The following NALF1 variants were observed in gnomAD, a reference collection of about 807,000 sequenced individuals.
NALF1 encodes NALCN channel auxiliary factor 1, also known as family with sequence similarity 155 member A.
Under a neutral mutation model 48.4 loss-of-function variants are expected in NALF1, and 3 were observed. That is an observed-to-expected ratio of 0.06 (90% CI 0.03 to 0.16). The LOEUF is 0.16. Ranked by LOEUF, NALF1 falls within the 10% of genes least tolerant of loss-of-function variation. NALF1 has a pLI of 1.00. For missense variants in NALF1, 526 were observed against 571.5 expected (o/e 0.92, Z 0.81); for synonymous variants, 262 against 245.7 (o/e 1.07, Z -0.62).
chr13:107,305,407 T>C (rs184040574), intron 1 of NALF1, among the ~76,000 whole-genome samples: 1 of 152,358 alleles, frequency 6.6e-6, no homozygotes, highest in African/African-American at 2.4e-5. Context: ...CTAAAACAAA[T>C]GGCATCATTA....
intron 1 of NALF1, among the ~76,000 whole-genome samples, chr13:107,394,654 A>G (rs1181586139): frequency 6.6e-6 from 1 of 152,224 alleles, no homozygotes; most frequent in Non-Finnish European, 1.5e-5. Context: ...TCTTAACATT[A>G]TTGAAATTTG....
At chr13:107,794,988 A>G (rs575237692) in intron 1 of NALF1, among the ~76,000 whole-genome samples, 8 of 152,338 alleles carry the variant, frequency 5.3e-5, no homozygotes, top group African/African-American at 1.9e-4. Flanking sequence ...AATGAGGACA[A>G]AAAGAAAAAA....
At chr13:107,766,514 T>C (rs1384745265) in intron 1 of NALF1, among the ~76,000 whole-genome samples, 1 of 152,180 alleles carries the variant, frequency 6.6e-6, no homozygotes, top group African/African-American at 2.4e-5. Context: ...GGGGAGAACT[T>C]AACTGAAGTC....
intron 1 of NALF1, among the ~76,000 whole-genome samples, chr13:107,527,582 T>C (rs1876488068): frequency 6.6e-6 from 1 of 152,148 alleles, no homozygotes; most frequent in Non-Finnish European, 1.5e-5. Context: ...AAGTCTGATA[T>C]GGTTTGGCTG....
In NALF1 at chr13:107,267,700, T is replaced by C. The variant is rs191722506; in HGVS notation, c.916-56945A>G. Among the ~76,000 whole-genome samples the C allele has an allele frequency of 1.3e-4, 20 of 152,262 alleles. No individual in the cohort carries two copies. The East Asian group carries it at 3.7e-3, about 28-fold the overall frequency. ...AAAGATTAACAACAATAATGAATAATAAAGTAGAACAATTATAACAATATG... is the reference window on the plus strand; with the variant it reads ...AAAGATTAACAACAATAATGAATAACAAAGTAGAACAATTATAACAATATG... On this transcript the variant is annotated intron_variant, in intron 1 of 2. Coordinates refer to ENST00000375915, the MANE Select transcript of NALF1 (RefSeq NM_001080396.3).
chr13:107,170,395 A>T lies in NALF1; in HGVS notation c.*102T>A. 1 of 1,184,866 alleles carries T rather than the reference A, an allele frequency of 8.4e-7. No individual in the cohort carries two copies. The highest frequency in any genetic ancestry group is 1.2e-6 in the Non-Finnish European group (1 of 843,280). The allele number at this position is 1,184,866 out of a possible 1,614,324, so 73.4% of individuals were successfully genotyped here. ...AATTTTACCCTAAAGGCCTTGCAAT[A>T]AGTAATTCGAGGGTAAAAGCACCCA... On this transcript the variant is annotated 3_prime_UTR_variant, in exon 3 of 3. Coordinates refer to ENST00000375915, the MANE Select transcript of NALF1 (RefSeq NM_001080396.3).
intron 1 of NALF1, among the ~76,000 whole-genome samples, chr13:107,831,660 A>G (rs1369447108): frequency 6.6e-6 from 1 of 152,188 alleles, no homozygotes; most frequent in African/African-American, 2.4e-5. Flanking sequence ...GTGATTATAT[A>G]ATGATGAGGT....
At chr13:107,281,454 A>G (rs1386451879) in intron 1 of NALF1, among the ~76,000 whole-genome samples, 1 of 152,208 alleles carries the variant, frequency 6.6e-6, no homozygotes, top group East Asian at 1.9e-4. Flanking sequence ...AAATGAGAAA[A>G]GACATAGAGG....
intron 1 of NALF1, among the ~76,000 whole-genome samples, chr13:107,297,361 A>G (rs1881745986): frequency 6.6e-6 from 1 of 152,202 alleles, no homozygotes; most frequent in African/African-American, 2.4e-5. Flanking sequence ...TACCAGTAAA[A>G]TCATTGAGAT....
chr13:107,251,530 C>A (rs138180691), intron 1 of NALF1, among the ~76,000 whole-genome samples: 2 of 152,224 alleles, frequency 1.3e-5, no homozygotes, highest in Admixed American at 1.3e-4. Flanking sequence ...CCCCTGCCTA[C>A]AGCTACATCC....
intron 1 of NALF1, among the ~76,000 whole-genome samples, chr13:107,607,855 G>GTTT (rs1400612258): frequency 2.5e-4 from 38 of 152,240 alleles, no homozygotes; most frequent in African/African-American, 8.9e-4. Context: ...TGTAAAGCAG[G>GTTT]GAAAACCACA....
intron 1 of NALF1, among the ~76,000 whole-genome samples, chr13:107,211,047 T>C (rs562282885): frequency 3.9e-5 from 6 of 152,330 alleles, no homozygotes; most frequent in Admixed American, 3.3e-4. Flanking sequence ...AAGCAGGAAG[T>C]TAATTTTTCA....
At chr13:107,626,832 T>C (rs979683549) in intron 1 of NALF1, among the ~76,000 whole-genome samples, 3 of 152,054 alleles carry the variant, frequency 2.0e-5, no homozygotes, top group African/African-American at 7.2e-5. Flanking sequence ...AATGTATTCA[T>C]TACCACTGAA....
intron 1 of NALF1, among the ~76,000 whole-genome samples, chr13:107,316,745 G>GT (rs370457907): frequency 0.045 from 6,897 of 152,044 alleles, 232 homozygotes; most frequent in East Asian, 0.19. Flanking sequence ...TGATGGGGTT[G>GT]TTTTTTTCTT....
intron 1 of NALF1, among the ~76,000 whole-genome samples, chr13:107,782,573 T>A (rs1271494718): frequency 1.4e-5 from 2 of 145,956 alleles, no homozygotes; most frequent in Admixed American, 6.8e-5. Context: ...GTGAGGAGCG[T>A]CTCTGCCCGG....
intron 2 of NALF1, among the ~76,000 whole-genome samples, chr13:107,174,110 T>G (rs7996218): frequency 1.1e-3 from 161 of 152,252 alleles, no homozygotes; most frequent in African/African-American, 3.7e-3. Flanking sequence ...ATATTTGGGG[T>G]ACGCTTATTT....
intron 1 of NALF1, among the ~76,000 whole-genome samples, chr13:107,726,937 G>C (rs1454775877): frequency 3.3e-5 from 5 of 150,896 alleles, no homozygotes; most frequent in Non-Finnish European, 5.9e-5. Flanking sequence ...GTGTGTGTGT[G>C]TGTGTGTGTG....
At chr13:107,579,475 G>A (rs1040312778) in intron 1 of NALF1, among the ~76,000 whole-genome samples, 23 of 152,184 alleles carry the variant, frequency 1.5e-4, no homozygotes, top group Middle Eastern at 3.2e-3. Flanking sequence ...TGGAGACAGA[G>A]CAAAGAGAAA....
At chr13:107,667,881 T>G (rs1485200563) in intron 1 of NALF1, among the ~76,000 whole-genome samples, 2 of 152,104 alleles carry the variant, frequency 1.3e-5, no homozygotes, top group Non-Finnish European at 2.9e-5. Flanking sequence ...CTCCATATAA[T>G]GGAAAATATT....
Sources: gnomAD v4.1 joint callset for allele counts (sites outside exome capture counted in the v4.1 genomes callset) on GRCh38, gnomAD v4.1.1 for gene constraint, MANE v1.5 for transcripts, NCBI Gene and HGNC (gene_info 2026-07-23, HGNC 2026-07-21) for gene names.